The following CADPS variants were observed in gnomAD, a reference collection of about 807,000 sequenced individuals.
CADPS encodes the protein calcium-dependent secretion activator 1.
Under a neutral mutation model 167.3 loss-of-function variants are expected in CADPS, and 57 were observed. The observed-to-expected ratio is 0.34, with a 90% confidence interval of 0.28 to 0.42. The LOEUF (loss-of-function observed/expected upper bound fraction) is 0.42, where lower values mean the gene tolerates loss of function less well. Ranked by LOEUF, CADPS falls within the 20% of genes least tolerant of loss-of-function variation. The pLI, the probability that CADPS is intolerant of heterozygous loss-of-function variation, is 1.00. For synonymous variants in CADPS, 676 were observed against 635.3 expected (o/e 1.06, Z -0.96); for missense variants, 1,414 against 1,738.1 (o/e 0.81, Z 3.32).
chr3:62,583,942 A>T (rs1310307703), intron 8 of CADPS, among the ~76,000 whole-genome samples: 1 of 150,540 alleles, frequency 6.6e-6, no homozygotes, highest in East Asian at 2.0e-4. Context: ...TGTCTTAATC[A>T]CGGCTAGGCC....
intron 4 of CADPS, among the ~76,000 whole-genome samples, chr3:62,662,057 G>C (rs6795289): frequency 0.21 from 31,922 of 152,092 alleles, 3,723 homozygotes; most frequent in African/African-American, 0.32. Flanking sequence ...TAGACTGTTG[G>C]AGCTATGTGT....
chr3:62,809,171 G>C (rs188093521), intron 1 of CADPS, among the ~76,000 whole-genome samples: 192 of 152,120 alleles, frequency 1.3e-3, no homozygotes, highest in South Asian at 3.9e-3. Flanking sequence ...TGAAATCCCA[G>C]CTCCCACTGT....
intron 27 of CADPS, among the ~76,000 whole-genome samples, 188 bp downstream of exon 27, chr3:62,445,577 A>G (rs915806527): frequency 6.6e-6 from 1 of 152,098 alleles, no homozygotes; most frequent in Non-Finnish European, 1.5e-5. Flanking sequence ...CCGTCTTCTT[A>G]TCTGAAAAAA....
chr3:62,651,930 A>G (rs1376269775), intron 4 of CADPS, among the ~76,000 whole-genome samples: 1 of 152,038 alleles, frequency 6.6e-6, no homozygotes, highest in Admixed American at 6.6e-5. Context: ...AGAAAAATCC[A>G]CCTCAAACTG....
chr3:62,467,945 T>C (rs768691898), intron 24 of CADPS, among the ~76,000 whole-genome samples: 3 of 152,086 alleles, frequency 2.0e-5, no homozygotes, highest in Non-Finnish European at 2.9e-5. Context: ...TAGATAAGGG[T>C]AGAGAGAGAC....
chr3:62,463,887 T>C (rs1031179197), intron 26 of CADPS, among the ~76,000 whole-genome samples: 1 of 152,184 alleles, frequency 6.6e-6, no homozygotes, highest in Non-Finnish European at 1.5e-5. Flanking sequence ...TCCTCGTACC[T>C]GGGAAGGTCA....
In CADPS at chr3:62,582,991, G is replaced by A. The variant is rs576792607; in HGVS notation, c.1577+2194C>T. ...CAAGTGGTTGCTGTGGAGAGTAAGT[G>A]ACACAATAAAACTCCTAGTACAGTG... On this transcript the variant is annotated intron_variant, in intron 8 of 29. Transcript: ENST00000383710. 5.9e-4 allele frequency among the ~76,000 whole-genome samples: 90 copies of A among 152,272 alleles called. 1 individual carries two copies. The highest frequency in any genetic ancestry group is 5.2e-3 in the South Asian group (25 of 4,818).
At chr3:62,715,510 T>C (rs544735852) in intron 3 of CADPS, among the ~76,000 whole-genome samples, 1 of 150,818 alleles carries the variant, frequency 6.6e-6, no homozygotes, top group East Asian at 1.9e-4. Context: ...ATGTTTTACA[T>C]GAACCTTAGA....
chr3:62,664,653 G>A (rs529097530), intron 3 of CADPS, among the ~76,000 whole-genome samples: 43 of 152,364 alleles, frequency 2.8e-4, no homozygotes, highest in Non-Finnish European at 4.6e-4. Context: ...TCACTGGGAA[G>A]CAGCAAAATG....
chr3:62,517,011 T>C (rs2069155911), intron 14 of CADPS, among the ~76,000 whole-genome samples: 1 of 152,110 alleles, frequency 6.6e-6, no homozygotes, highest in Non-Finnish European at 1.5e-5. Context: ...AGGCTGAAAT[T>C]CAAATACACT....
intron 3 of CADPS, among the ~76,000 whole-genome samples, chr3:62,738,283 G>T (rs2079421048): frequency 6.6e-6 from 1 of 152,070 alleles, no homozygotes; most frequent in African/African-American, 2.4e-5. Flanking sequence ...GATGACAAAA[G>T]GATCAGAGAG....
At chr3:62,556,558 T>G (rs1194621979) in intron 10 of CADPS, among the ~76,000 whole-genome samples, 1 of 152,206 alleles carries the variant, frequency 6.6e-6, no homozygotes, top group East Asian at 1.9e-4. Context: ...TTGTGCAGAT[T>G]TGGCATAAAA....
intron 3 of CADPS, among the ~76,000 whole-genome samples, chr3:62,713,208 G>A (rs1254270828): frequency 1.3e-5 from 2 of 150,580 alleles, no homozygotes; most frequent in Non-Finnish European, 3.0e-5. Context: ...GTTTTGGTTT[G>A]GTTTTTTTGT....
intron 1 of CADPS, among the ~76,000 whole-genome samples, chr3:62,868,837 C>T (rs753158431): frequency 2.0e-5 from 3 of 152,106 alleles, no homozygotes; most frequent in Non-Finnish European, 4.4e-5. Context: ...CCAGAAAGAA[C>T]TATCAACTCC....
chr3:62,734,141 C>T (rs482253), intron 3 of CADPS, among the ~76,000 whole-genome samples: 48,864 of 151,982 alleles, frequency 0.32, 8,556 homozygotes, highest in African/African-American at 0.46. Flanking sequence ...CCTAAAAGGG[C>T]GAGCTTTATG....
chr3:62,431,793 T>C (rs1412881504), intron 28 of CADPS, among the ~76,000 whole-genome samples: 1 of 151,810 alleles, frequency 6.6e-6, no homozygotes, highest in African/African-American at 2.4e-5. Flanking sequence ...TTTACTGGCA[T>C]GGGAAATAGT....
intron 23 of CADPS, 127 bp from the exon 24 acceptor site, chr3:62,474,447 C>G (rs1457516054): frequency 3.8e-6 from 3 of 799,926 alleles, no homozygotes; most frequent in Non-Finnish European, 6.1e-6. Flanking sequence ...ACAATGACTT[C>G]ACATGTGTTC....
At chr3:62,772,477 T>G (rs2152550760) in intron 1 of CADPS, among the ~76,000 whole-genome samples, 1 of 152,338 alleles carries the variant, frequency 6.6e-6, no homozygotes, top group Non-Finnish European at 1.5e-5. Flanking sequence ...AATACAAATC[T>G]ATTGTCTATA....
chr3:62,742,858 G>C (rs1180343320), intron 3 of CADPS, among the ~76,000 whole-genome samples: 1 of 152,074 alleles, frequency 6.6e-6, no homozygotes, highest in African/African-American at 2.4e-5. Context: ...CGACAGAATG[G>C]GGAGAATTTT....
Sources: allele counts gnomAD v4.1 joint callset (sites outside exome capture counted in the v4.1 genomes callset), GRCh38; gene constraint gnomAD v4.1.1; transcripts MANE v1.5; gene names NCBI Gene and HGNC (gene_info 2026-07-23, HGNC 2026-07-21).